The following STK10 variants were observed in gnomAD, a reference collection of about 807,000 sequenced individuals.
STK10 encodes serine/threonine kinase 10, also known as serine/threonine-protein kinase 10.
In STK10, 78 loss-of-function variants were observed where a neutral mutation model predicts 113.8. The ratio of observed to expected loss-of-function variants is 0.69; its 90% confidence interval spans 0.57 to 0.83. STK10 has a LOEUF of 0.83. Among genes scored for constraint, STK10 ranks in the 40% least tolerant of loss-of-function variants. The pLI, the probability that STK10 is intolerant of heterozygous loss-of-function variation, is 0.00. For missense variants in STK10, 1,109 were observed against 1,280.1 expected, an observed-to-expected ratio of 0.87 and a Z score of 2.04; for synonymous variants, 465 against 494.7, an observed-to-expected ratio of 0.94 and a Z score of 0.80.
chr5:172,089,765 A>G (rs147214443), intron 10 of STK10, among the ~76,000 whole-genome samples: 91 of 151,878 alleles, frequency 6.0e-4, no homozygotes, highest in African/African-American at 2.0e-3. Context: ...GAATGGATGG[A>G]TGAATGGATG....
chr5:172,123,478 A>G (rs74943779), intron 3 of STK10, among the ~76,000 whole-genome samples: 5,111 of 152,270 alleles, frequency 0.034, 302 homozygotes, highest in African/African-American at 0.12. Context: ...TCGAGGACAC[A>G]GTACACTTCC....
intron 4 of STK10, 128 bp downstream of exon 4, chr5:172,117,353 C>A: frequency 9.9e-7 from 1 of 1,013,752 alleles, no homozygotes; most frequent in Non-Finnish European, 1.4e-6. Flanking sequence ...GCTGACATGC[C>A]AAGAGGGCGT....
Position 172,114,289 on chromosome 5 carries a change from C to T in STK10, c.520+3192G>A, listed in dbSNP as rs1030866898. Among the ~76,000 whole-genome samples, 7 of 138,776 alleles carry T rather than the reference C, an allele frequency of 5.0e-5. No homozygotes were observed. The South Asian group carries it at 9.1e-4, about 18-fold the overall frequency. 91.0% of individuals were successfully genotyped at this position (138,776 alleles called of 152,430 possible). On this transcript the variant is annotated intron_variant, in intron 4 of 18. Coordinates refer to ENST00000176763, the MANE Select transcript of STK10 (RefSeq NM_005990.4). ...TTGTGTACAGGACTCTAGCTACTCTCGTGTGTGTGTGTGTGTGTGTGTGTG... is the reference window on the plus strand; with the variant it reads ...TTGTGTACAGGACTCTAGCTACTCTTGTGTGTGTGTGTGTGTGTGTGTGTG...
intron 14 of STK10, among the ~76,000 whole-genome samples, chr5:172,057,935 G>A (rs1026927444): frequency 1.3e-5 from 2 of 152,192 alleles, no homozygotes; most frequent in African/African-American, 4.8e-5. Context: ...CTCAGATGGA[G>A]ACCCCATGAA....
chr5:172,156,314 A>T (rs1197219174), intron 2 of STK10, among the ~76,000 whole-genome samples: 42 of 152,236 alleles, frequency 2.8e-4, no homozygotes, highest in Admixed American at 2.7e-3. Flanking sequence ...CCCACCTTAC[A>T]GATGGAGAAA....
intron 2 of STK10, among the ~76,000 whole-genome samples, chr5:172,143,775 T>TA (rs998057975): frequency 1.7e-4 from 26 of 152,306 alleles, no homozygotes; most frequent in Non-Finnish European, 1.5e-5. Flanking sequence ...AGTTTACATC[T>TA]AAAAAAATTC....
At chr5:172,111,647 C>T (rs1449438815) in intron 4 of STK10, among the ~76,000 whole-genome samples, 1 of 152,192 alleles carries the variant, frequency 6.6e-6, no homozygotes, top group Non-Finnish European at 1.5e-5. Flanking sequence ...CTGATGAAAA[C>T]ACTCCCCCTT....
chr5:172,064,401 C>A (rs192251989), intron 13 of STK10: 565 of 381,566 alleles, frequency 1.5e-3, no homozygotes, highest in Non-Finnish European at 2.2e-3. Flanking sequence ...GGGGAATATA[C>A]TGGGTTGGTC....
chr5:172,100,761 T>C (rs111626633), intron 7 of STK10, among the ~76,000 whole-genome samples: 9,021 of 152,208 alleles, frequency 0.059, 899 homozygotes, highest in African/African-American at 0.21. Flanking sequence ...TACTCCAGCC[T>C]GGGCAACACG....
intron 1 of STK10, among the ~76,000 whole-genome samples, chr5:172,157,994 C>T (rs760562769): frequency 1.3e-5 from 2 of 152,156 alleles, no homozygotes; most frequent in African/African-American, 2.4e-5. Flanking sequence ...TAAGTGCCCA[C>T]CAGTTACAGC....
chr5:172,106,690 G>A lies in STK10; in HGVS notation c.718C>T (p.Leu240Phe), dbSNP rs1769119513. ...TTTAGCAGGACCCGCATGGGGTTGA[G>A]CTCGTGGTGTGGCGGCTCGATCTGG... The part of the protein sequence containing the change: ...MAQIEPPHHE[L>F]NPMRVLLKIA... Residue 240 changes from leucine to phenylalanine, a missense_variant, in exon 6 of 19, where the codon CTC (leucine) becomes TTC (phenylalanine). Leu to Phe is a conservative substitution (Grantham distance 22). Transcript: ENST00000176763. 6.2e-7 allele frequency: 1 copy of A among 1,614,076 alleles called. No homozygotes were observed. Among genetic ancestry groups the A allele is most frequent in the African/African-American group, 1.3e-5 (1 of 75,052 alleles).
At chr5:172,099,621 C>G (rs1473371077) in intron 7 of STK10, among the ~76,000 whole-genome samples, 1 of 152,166 alleles carries the variant, frequency 6.6e-6, no homozygotes, top group Non-Finnish European at 1.5e-5. Context: ...CAGAGCACAG[C>G]TTTTTGGAAC....
At chr5:172,064,483 A>G (rs1029857742) in intron 13 of STK10, 33 of 582,864 alleles carry the variant, frequency 5.7e-5, no homozygotes, top group African/African-American at 7.5e-5. Flanking sequence ...GAGGTGGTCA[A>G]TGTAAAGTGT....
chr5:172,055,893 G>C, intron 15 of STK10, 117 bp from the exon 16 acceptor site: 1 of 774,344 alleles, frequency 1.3e-6, no homozygotes, highest in Non-Finnish European at 1.8e-6. Flanking sequence ...AGCCCACAAT[G>C]TTCAGCAGAT....
chr5:172,082,868 T>C lies in STK10; in HGVS notation c.1809+93A>G, dbSNP rs1768464782. 6.5e-7 allele frequency: 1 copy of C among 1,540,600 alleles called. No individual in the cohort carries two copies. Among genetic ancestry groups the C allele is most frequent in the Admixed American group, 2.1e-5 (1 of 47,920 alleles). On this transcript the variant is annotated intron_variant, in intron 11 of 18. Transcript: ENST00000176763. The surrounding 1 kb of genome is among the most constrained non-coding windows in gnomAD (Gnocchi z 4.3). Reference sequence around the variant, plus strand: ...ATTGGGCAATTGTTGTGAATTACTCTCCACTACCCAATCATTCCCACTATG... The same window carrying C: ...ATTGGGCAATTGTTGTGAATTACTCCCCACTACCCAATCATTCCCACTATG...
At chr5:172,110,651 C>T (rs377083509) in intron 4 of STK10, among the ~76,000 whole-genome samples, 1 of 151,720 alleles carries the variant, frequency 6.6e-6, no homozygotes, top group Admixed American at 6.6e-5. Flanking sequence ...ACAGCCTGGC[C>T]GGAAGGAGGG....
intron 4 of STK10, among the ~76,000 whole-genome samples, chr5:172,109,101 A>G (rs1324805182): frequency 6.6e-6 from 1 of 152,032 alleles, no homozygotes; most frequent in Non-Finnish European, 1.5e-5. Flanking sequence ...ATTACTATTT[A>G]TATTACTGTA....
intron 12 of STK10, among the ~76,000 whole-genome samples, chr5:172,070,444 T>A (rs989830037): frequency 6.6e-6 from 1 of 151,926 alleles, no homozygotes; most frequent in Non-Finnish European, 1.5e-5. Flanking sequence ...TGGTATTGAA[T>A]AAAAATGAAA....
rs903777924 is a variant in STK10 at position 172,187,549 on chromosome 5, C to T, written c.156+338G>A. Among the ~76,000 whole-genome samples, 7 of 152,228 alleles carry T rather than the reference C, an allele frequency of 4.6e-5. No individual in the cohort carries two copies. Among genetic ancestry groups the T allele is most frequent in the African/African-American group, 1.7e-4 (7 of 41,466 alleles). The stretch of plus-strand genomic sequence containing the variant: ...TTTACGGAACGTCCCTGGAAGGTCC[C>T]TCGAGTGGCCCTCTCGGATGCTGAG... On this transcript the variant is annotated intron_variant, in intron 1 of 18. Transcript: ENST00000176763. This position sits in a 1 kb window ranked among gnomAD's most constrained non-coding sequence, Gnocchi z 4.6.
Sources: gnomAD v4.1 joint callset for allele counts (sites outside exome capture counted in the v4.1 genomes callset) on GRCh38, gnomAD v4.1.1 for gene constraint, Gnocchi (gnomAD v3.1) non-coding constraint, MANE v1.5 for transcripts, NCBI Gene and HGNC (gene_info 2026-07-23, HGNC 2026-07-21) for gene names.